Variants in ENTHD1 observed in about 807,000 individuals in gnomAD.
ENTHD1 encodes ENTH domain-containing protein 1.
A neutral mutation model predicts 39.1 loss-of-function variants in ENTHD1; 23 were observed. The ratio of observed to expected loss-of-function variants is 0.59; its 90% CI spans 0.42 to 0.83. The LOEUF (loss-of-function observed/expected upper bound fraction) is 0.83, where lower values mean the gene tolerates loss of function less well. ENTHD1 is among the 40% of genes least tolerant of loss of function. ENTHD1 has a pLI of 0.00. For synonymous variants in ENTHD1, 230 were observed against 258.2 expected, an observed-to-expected ratio of 0.89 and a Z score of 1.05; for missense variants, 624 against 705.4, an observed-to-expected ratio of 0.88 and a Z score of 1.31.
intron 3 of ENTHD1, among the ~76,000 whole-genome samples, chr22:39,859,492 A>C (rs953094504): frequency 2.0e-5 from 3 of 152,118 alleles, no homozygotes; most frequent in Non-Finnish European, 4.4e-5. Flanking sequence ...ACTCTTCCTT[A>C]CACTTGAACA....
At position 39,759,055 on chromosome 22, in the gene ENTHD1, A is replaced by G. The variant is rs1601573024; in HGVS notation, c.1219+6168T>C. ...CTACATTTGTGTAAATTTTTGAGGA[A>G]TATTGGTCTATAATTTACTTTTCTT... is the stretch of plus-strand genomic sequence containing the variant. On this transcript the variant is annotated intron_variant, in intron 6 of 6. Transcript: ENST00000325157. Among the ~76,000 whole-genome samples, 3 of 152,278 alleles carry G rather than the reference A, an allele frequency of 2.0e-5. No homozygotes were observed. In the East Asian group the frequency reaches 5.8e-4, roughly 29 times the overall value.
intron 5 of ENTHD1, among the ~76,000 whole-genome samples, chr22:39,811,754 T>G (rs961731645): frequency 6.6e-6 from 1 of 151,630 alleles, no homozygotes; most frequent in Non-Finnish European, 1.5e-5. Flanking sequence ...CTGAGGCAGG[T>G]AGATCACAAG....
At chr22:39,855,310 G>A (rs1386599367) in intron 3 of ENTHD1, among the ~76,000 whole-genome samples, 1 of 152,130 alleles carries the variant, frequency 6.6e-6, no homozygotes, top group Non-Finnish European at 1.5e-5. Context: ...GAATTGCTCT[G>A]AGTACTCTCA....
chr22:39,815,869 C>A (rs2065729705), intron 5 of ENTHD1, among the ~76,000 whole-genome samples: 1 of 152,072 alleles, frequency 6.6e-6, no homozygotes, highest in Non-Finnish European at 1.5e-5. Context: ...AAAATAAATT[C>A]ATAATGACTC....
At chr22:39,765,010 G>A (rs956889920) in intron 6 of ENTHD1, among the ~76,000 whole-genome samples, 15 of 152,120 alleles carry the variant, frequency 9.9e-5, no homozygotes, top group Non-Finnish European at 1.5e-4. Context: ...AACCCACGGT[G>A]ATGAATTATC....
intron 1 of ENTHD1, among the ~76,000 whole-genome samples, chr22:39,891,325 G>C (rs947921827): frequency 1.3e-5 from 2 of 152,122 alleles, no homozygotes; most frequent in Non-Finnish European, 2.9e-5. Flanking sequence ...GGACCTTGAC[G>C]GTCTTATTTA....
At chr22:39,837,495 A>C (rs541057273) in intron 3 of ENTHD1, among the ~76,000 whole-genome samples, 2 of 152,330 alleles carry the variant, frequency 1.3e-5, no homozygotes, top group South Asian at 4.1e-4. Flanking sequence ...GCACCAAATA[A>C]TAGTTAAAAA....
chr22:39,814,295 C>CAAAAAAAAAAAAAAAAAA lies in ENTHD1; in HGVS notation c.832+6697_832+6698insTTTTTTTTTTTTTTTTTT, dbSNP rs77915572. 1.3e-3 allele frequency among the ~76,000 whole-genome samples: 123 copies of CAAAAAAAAAAAAAAAAAA among 97,636 alleles called. 2 individuals carry two copies. Among genetic ancestry groups the CAAAAAAAAAAAAAAAAAA allele is most frequent in the African/African-American group, 3.1e-3 (84 of 27,522 alleles). 64.1% of individuals were successfully genotyped at this position (97,636 alleles called of 152,430 possible). A position where few individuals can be genotyped will look rare whatever the true frequency, so the allele number is the denominator to read the frequency against. The stretch of plus-strand genomic sequence containing the variant: ...GCAACATGGCAAAACCCCATCTCTA[C>CAAAAAAAAAAAAAAAAAA]AAAAAAAAAAAAAAAATAACCAGGT... On this transcript the variant is annotated intron_variant, in intron 5 of 6. Coordinates refer to ENST00000325157, the MANE Select transcript of ENTHD1 (RefSeq NM_152512.4).
intron 5 of ENTHD1, among the ~76,000 whole-genome samples, chr22:39,789,560 T>C (rs920554575): frequency 3.2e-4 from 49 of 152,178 alleles, no homozygotes; most frequent in African/African-American, 1.1e-3. Flanking sequence ...TTTTTTACAT[T>C]CATTCATTCA....
In ENTHD1 at chr22:39,884,087, T is replaced by C. The variant is rs76123835; in HGVS notation, c.349+3313A>G. ...AGAAAGACATCCTGTGTACAAAGAT[T>C]GGAGAAATTAGTATTGTTAAAATGA... On this transcript the variant is annotated intron_variant, in intron 2 of 6. Transcript: ENST00000325157. Among the ~76,000 whole-genome samples the C allele has an allele frequency of 7.1e-3, 1,086 of 152,146 alleles. 17 individuals are homozygous for C. Among genetic ancestry groups the C allele is most frequent in the African/African-American group, 0.025 (1,037 of 41,498 alleles).
intron 5 of ENTHD1, among the ~76,000 whole-genome samples, chr22:39,777,401 T>TACACA (rs1425977843): frequency 6.6e-6 from 1 of 151,566 alleles, no homozygotes; most frequent in Non-Finnish European, 1.5e-5. Flanking sequence ...ATTGTGTGCG[T>TACACA]GTGTGTGTGT....
chr22:39,831,192 G>A (rs2065865629), intron 4 of ENTHD1, among the ~76,000 whole-genome samples: 1 of 152,186 alleles, frequency 6.6e-6, no homozygotes, highest in South Asian at 2.1e-4. Context: ...CTGGGGTTGT[G>A]GCTTCTAAAA....
intron 6 of ENTHD1, among the ~76,000 whole-genome samples, chr22:39,758,138 T>C (rs2065199636): frequency 6.6e-6 from 1 of 152,216 alleles, no homozygotes; most frequent in Non-Finnish European, 1.5e-5. Context: ...CTTGCTAAAC[T>C]CACCTACTAG....
chr22:39,835,226 C>T (rs979265652), intron 4 of ENTHD1, among the ~76,000 whole-genome samples: 4 of 152,062 alleles, frequency 2.6e-5, no homozygotes, highest in Non-Finnish European at 5.9e-5. Flanking sequence ...AACCATACAA[C>T]ATGCCAACAG....
chr22:39,783,211 A>T (rs1369683661), intron 5 of ENTHD1, among the ~76,000 whole-genome samples: 1 of 152,188 alleles, frequency 6.6e-6, no homozygotes, highest in Non-Finnish European at 1.5e-5. Flanking sequence ...CCTAGGAATA[A>T]ATTTAACCAA....
intron 3 of ENTHD1, among the ~76,000 whole-genome samples, chr22:39,852,040 T>A (rs2146706401): frequency 6.6e-6 from 1 of 152,240 alleles, no homozygotes; most frequent in East Asian, 1.9e-4. Context: ...TATAGATTTT[T>A]TAAAAATGCT....
At chr22:39,776,133 T>G (rs748262564) in intron 5 of ENTHD1, among the ~76,000 whole-genome samples, 15 of 152,160 alleles carry the variant, frequency 9.9e-5, no homozygotes, top group Non-Finnish European at 1.8e-4. Flanking sequence ...GTTCAAGTGA[T>G]CTACCTGCCT....
chr22:39,810,247 C>T (rs757550880), intron 5 of ENTHD1, among the ~76,000 whole-genome samples: 2 of 152,168 alleles, frequency 1.3e-5, no homozygotes, highest in African/African-American at 2.4e-5. Context: ...GATATTGGCT[C>T]TGAACTGACA....
intron 5 of ENTHD1, among the ~76,000 whole-genome samples, chr22:39,797,699 T>A (rs939403851): frequency 6.6e-6 from 1 of 152,192 alleles, no homozygotes. Context: ...AGGATAACTT[T>A]GCTGGGTATA....
Sources: gnomAD v4.1 joint callset for allele counts (sites outside exome capture counted in the v4.1 genomes callset) on GRCh38, gnomAD v4.1.1 for gene constraint, MANE v1.5 for transcripts, NCBI Gene and HGNC (gene_info 2026-07-23, HGNC 2026-07-21) for gene names.